NDUFAF3: variants seen among roughly 807,000 people sequenced by gnomAD.
The protein encoded by NDUFAF3 is NADH dehydrogenase [ubiquinone] 1 alpha subcomplex assembly factor 3.
NDUFAF3 carries 21 observed loss-of-function variants against 22.6 expected under a neutral mutation model. That is an observed-to-expected ratio of 0.93 (90% CI 0.66 to 1.34). The LOEUF (loss-of-function observed/expected upper bound fraction) is 1.34. Among genes scored for constraint, NDUFAF3 ranks in the 40% most tolerant of loss-of-function variants. NDUFAF3 has a pLI of 0.00. For missense variants in NDUFAF3, 251 were observed against 248.4 expected (o/e 1.01, Z -0.07); for synonymous variants, 113 against 104.9 (o/e 1.08, Z -0.47).
chr3:49,020,584 T>C (rs1178890662), upstream of NDUFAF3: 1 of 474,226 alleles, frequency 2.1e-6, no homozygotes, highest in East Asian at 6.8e-5. Flanking sequence ...TGTCTGGGGG[T>C]CAGGGGCACC....
At chr3:49,020,771 C>A (rs974581123), upstream of NDUFAF3, 2 of 423,202 alleles carry the variant, frequency 4.7e-6, no homozygotes, top group East Asian at 1.5e-4. Context: ...CATCAGAACC[C>A]GCCCATCCCC....
chr3:49,023,194 G>A lies in NDUFAF3; in HGVS notation c.*22G>A, dbSNP rs747202012. 6.1e-5 allele frequency: 95 copies of A among 1,563,088 alleles called. No individual in the cohort carries two copies. The highest frequency in any genetic ancestry group is 8.3e-5 in the Non-Finnish European group (94 of 1,134,316). On this transcript the variant is annotated 3_prime_UTR_variant, in exon 5 of 5. Coordinates refer to ENST00000326925, the MANE Select transcript of NDUFAF3 (RefSeq NM_199069.2). Reference sequence around the variant, plus strand: ...ATGAACCGCCAGGAACTGACCTGCTGACTGCACTCTGCCAGGCTTCCCAAT... The same window carrying A: ...ATGAACCGCCAGGAACTGACCTGCTAACTGCACTCTGCCAGGCTTCCCAAT...
chr3:49,022,379 G>A lies in NDUFAF3; in HGVS notation c.111G>A (p.Ala37=), dbSNP rs1334035518. The part of the protein sequence containing the change: ...APRRGHRLSP[A]DDELYQRTRI... ...GGCGAGGGCATCGGCTCTCGCCGGCGGATGACGAGCTGTATCAGCGGACGC... is the reference window on the plus strand; with the variant it reads ...GGCGAGGGCATCGGCTCTCGCCGGCAGATGACGAGCTGTATCAGCGGACGC... Residue 37 remains alanine (A), a synonymous_variant, in exon 2 of 5, where the codon GCG becomes GCA. Coordinates refer to ENST00000326925, the MANE Select transcript of NDUFAF3 (RefSeq NM_199069.2). The surrounding 1 kb of genome is among the most constrained non-coding windows in gnomAD (Gnocchi z 6.6). 1.2e-6 allele frequency: 2 copies of A among 1,612,662 alleles called. No homozygotes were observed. Among genetic ancestry groups the A allele is most frequent in the Admixed American group, 1.7e-5 (1 of 60,030 alleles).
chr3:49,022,101 G>T, upstream of NDUFAF3: 1 of 1,581,134 alleles, frequency 6.3e-7, no homozygotes, highest in African/African-American at 1.3e-5. This position sits in a 1 kb window ranked among gnomAD's most constrained non-coding sequence, Gnocchi z 6.6. Context: ...CCCAACCCGG[G>T]GACTAACGGC....
chr3:49,020,607 G>C (rs1311361454), upstream of NDUFAF3: 1 of 482,970 alleles, frequency 2.1e-6, no homozygotes. Context: ...ATCTGGGCCA[G>C]GGCGCTGCTC....
rs1372425714 is a variant in NDUFAF3 at position 49,023,330 on chromosome 3, C to T, written c.*158C>T. 2 of 721,524 alleles carry T rather than the reference C, an allele frequency of 2.8e-6. No homozygotes were observed. Among genetic ancestry groups the T allele is most frequent in the Non-Finnish European group, 5.1e-6 (2 of 393,716 alleles). 44.7% of individuals were successfully genotyped at this position (721,524 alleles called of 1,614,324 possible). A position where few individuals can be genotyped will look rare whatever the true frequency, so the allele number is the denominator to read the frequency against. The stretch of plus-strand genomic sequence containing the variant: ...TTGCTGGCCAGGAGCTGATGGCTCA[C>T]TGGGCTCTTGGAGGGGAATGTGAAG... On this transcript the variant is annotated 3_prime_UTR_variant, in exon 5 of 5. Transcript: ENST00000326925.
rs986338149 is a variant in NDUFAF3 at position 49,023,452 on chromosome 3, T to C, written c.*280T>C. 1 of 483,986 alleles carries C rather than the reference T, an allele frequency of 2.1e-6. No homozygotes were observed. Among genetic ancestry groups the C allele is most frequent in the African/African-American group, 2.0e-5 (1 of 51,146 alleles). 30.0% of individuals were successfully genotyped at this position (483,986 alleles called of 1,614,324 possible). On this transcript the variant is annotated 3_prime_UTR_variant, in exon 5 of 5. Coordinates refer to ENST00000326925, the MANE Select transcript of NDUFAF3 (RefSeq NM_199069.2). ...GTTTGCCTGTTGTAGACCTACTTGC[T>C]CACATGCAGATTTGAGAGGACCTCA...
rs1262103940 is a variant in NDUFAF3, at chr3:49,022,188, C to T, written c.44C>T (p.Pro15Leu). 2 of 1,610,678 alleles carry T rather than the reference C, an allele frequency of 1.2e-6. No homozygotes were observed. Among genetic ancestry groups the T allele is most frequent in the Middle Eastern group, 1.7e-4 (1 of 6,060 alleles). Residue 15 changes from proline to leucine, a missense_variant, in exon 1 of 5, where the codon CCC becomes CTC. Coordinates refer to ENST00000326925, the MANE Select transcript of NDUFAF3 (RefSeq NM_199069.2). This position sits in a 1 kb window ranked among gnomAD's most constrained non-coding sequence, Gnocchi z 6.6. The stretch of plus-strand genomic sequence containing the variant: ...CTACGTAGCTTGTACCGAGCGCGAC[C>T]CTCGCTGCGCTGTCCGCCCGTTGAG... ...LALRSLYRAR[P>L]SLRCPPVELP... is the part of the protein sequence containing the mutation.
rs545609952 is a variant in NDUFAF3, at chr3:49,023,068, G to C, written c.451G>C (p.Ala151Pro). Residue 151 changes from alanine (A) to proline (P), a missense_variant, in exon 5 of 5, where the codon GCC (alanine) becomes CCC (proline). Coordinates refer to ENST00000326925, the MANE Select transcript of NDUFAF3 (RefSeq NM_199069.2). ...VEVQDTPNACATFNFLCHEGR... is the reference protein window; with the variant it reads ...VEVQDTPNACPTFNFLCHEGR... ...CTTTTCTTTGCAGCCCAATGCCTGT[G>C]CCACCTTCAACTTCCTGTGTCATGA... is the stretch of plus-strand genomic sequence containing the variant. 6.2e-7 allele frequency: 1 copy of C among 1,614,152 alleles called. No individual in the cohort carries two copies. Among genetic ancestry groups the C allele is most frequent in the Admixed American group, 1.7e-5 (1 of 60,018 alleles).
Position 49,023,426 on chromosome 3 carries a change from T to C in NDUFAF3, c.*254T>C. 1 of 539,432 alleles carries C rather than the reference T, an allele frequency of 1.9e-6. No homozygotes were observed. Among genetic ancestry groups the C allele is most frequent in the Non-Finnish European group, 3.4e-6 (1 of 297,398 alleles). 33.4% of individuals were successfully genotyped at this position (539,432 alleles called of 1,614,324 possible). On this transcript the variant is annotated 3_prime_UTR_variant, in exon 5 of 5. Coordinates refer to ENST00000326925, the MANE Select transcript of NDUFAF3 (RefSeq NM_199069.2). ...ACTTTTCAGAAGTCGGGAAGCAGTATGTTTGCCTGTTGTAGACCTACTTGC... is the reference window on the plus strand; with the variant it reads ...ACTTTTCAGAAGTCGGGAAGCAGTACGTTTGCCTGTTGTAGACCTACTTGC...
At chr3:49,021,806 G>A, upstream of NDUFAF3, 2 of 382,180 alleles carry the variant, frequency 5.2e-6, no homozygotes, top group Non-Finnish European at 9.5e-6. This position sits in a 1 kb window ranked among gnomAD's most constrained non-coding sequence, Gnocchi z 4.1. Context: ...CCCCGCCCCG[G>A]GAGCGCGGCT....
upstream of NDUFAF3, chr3:49,021,798 C>T (rs554925984): frequency 5.5e-6 from 2 of 364,608 alleles, no homozygotes; most frequent in African/African-American, 4.4e-5. This position sits in a 1 kb window ranked among gnomAD's most constrained non-coding sequence, Gnocchi z 4.1. Flanking sequence ...GGCGGTCGCC[C>T]CGCCCCGGGA....
chr3:49,022,823 C>G lies in NDUFAF3; in HGVS notation c.338-53C>G. The stretch of plus-strand genomic sequence containing the variant: ...TGTTCTGGGCCCCAGAAGGCGACCC[C>G]CACTGCAGCCTCTCAACAGAACTGT... On this transcript the variant is annotated intron_variant, in intron 3 of 4. Transcript: ENST00000326925. This position sits in a 1 kb window ranked among gnomAD's most constrained non-coding sequence, Gnocchi z 6.6. The G allele has an allele frequency of 1.2e-6, 2 of 1,613,304 alleles. No individual in the cohort carries two copies. Among genetic ancestry groups the G allele is most frequent in the Non-Finnish European group, 1.7e-6 (2 of 1,179,666 alleles).
rs768862168 is a variant in NDUFAF3 at position 49,023,096 on chromosome 3, G to A, written c.479G>A (p.Gly160Asp). 4.3e-6 allele frequency: 7 copies of A among 1,614,124 alleles called. No individual in the cohort carries two copies. The South Asian group carries it at 6.6e-5, about 15-fold the overall frequency. Reference protein sequence around the residue: ...CATFNFLCHEGRVTGAALIPP... With the variant: ...CATFNFLCHEDRVTGAALIPP... Reference sequence around the variant, plus strand: ...ACCTTCAACTTCCTGTGTCATGAAGGCCGAGTAACTGGAGCTGCTCTCATC... The same window carrying A: ...ACCTTCAACTTCCTGTGTCATGAAGACCGAGTAACTGGAGCTGCTCTCATC... The change falls in exon 5 of 5, where the codon GGC (glycine) becomes GAC (aspartate). Residue 160 changes from glycine (G) to aspartate (D), a missense_variant. Coordinates refer to ENST00000326925, the MANE Select transcript of NDUFAF3 (RefSeq NM_199069.2).
chr3:49,022,549 G>C lies in NDUFAF3; in HGVS notation c.270+11G>C. On this transcript the variant is annotated intron_variant, in intron 2 of 4. Coordinates refer to ENST00000326925, the MANE Select transcript of NDUFAF3 (RefSeq NM_199069.2). This position sits in a 1 kb window ranked among gnomAD's most constrained non-coding sequence, Gnocchi z 6.6. Reference sequence around the variant, plus strand: ...GTGGTGCAGTGGAACGTGAGTCCTGGCCCGCAGTGTGGAAACTGAGGCCCA... The same window carrying C: ...GTGGTGCAGTGGAACGTGAGTCCTGCCCCGCAGTGTGGAAACTGAGGCCCA... 6.2e-7 allele frequency: 1 copy of C among 1,613,332 alleles called. No homozygotes were observed. Among genetic ancestry groups the C allele is most frequent in the South Asian group, 1.1e-5 (1 of 91,072 alleles).
At position 49,022,271 on chromosome 3, in the gene NDUFAF3, A is replaced by G. The variant is rs777282423; in HGVS notation, c.77+50A>G. ...ACCATCCAGCCCCCTAGGGCCGGCGACTGCCAGCCCAGCACCTTCCGGCCT... is the reference window on the plus strand; with the variant it reads ...ACCATCCAGCCCCCTAGGGCCGGCGGCTGCCAGCCCAGCACCTTCCGGCCT... On this transcript the variant is annotated intron_variant, in intron 1 of 4. Transcript: ENST00000326925. The surrounding 1 kb of genome is among the most constrained non-coding windows in gnomAD (Gnocchi z 6.6). 1.2e-6 allele frequency: 2 copies of G among 1,607,810 alleles called. No individual in the cohort carries two copies. Among genetic ancestry groups the G allele is most frequent in the Non-Finnish European group, 1.7e-6 (2 of 1,178,626 alleles).
In NDUFAF3 at chr3:49,022,665, G is replaced by A. The variant is rs1170433956; in HGVS notation, c.271-37G>A. On this transcript the variant is annotated intron_variant, in intron 2 of 4. Transcript: ENST00000326925. This position sits in a 1 kb window ranked among gnomAD's most constrained non-coding sequence, Gnocchi z 6.6. ...GGATGGAGATGGGGAGAGGCTGCGT[G>A]GATTTGTCGTATTAAATGTGCCTCC... is the stretch of plus-strand genomic sequence containing the variant. The A allele has an allele frequency of 1.2e-6, 2 of 1,613,744 alleles. No homozygotes were observed. The highest frequency in any genetic ancestry group is 1.7e-5 in the Admixed American group (1 of 60,018).
At chr3:49,021,951 C>T (rs2106767197), upstream of NDUFAF3, 1 of 627,242 alleles carries the variant, frequency 1.6e-6, no homozygotes, top group African/African-American at 1.8e-5. This position sits in a 1 kb window ranked among gnomAD's most constrained non-coding sequence, Gnocchi z 4.1. Flanking sequence ...CAGGTGCTGA[C>T]ACTGGAGCTG....
At chr3:49,021,944 G>T, upstream of NDUFAF3, 1 of 611,870 alleles carries the variant, frequency 1.6e-6, no homozygotes, top group Non-Finnish European at 2.9e-6. The surrounding 1 kb of genome is among the most constrained non-coding windows in gnomAD (Gnocchi z 4.1). Context: ...AGGGCGGCAG[G>T]TGCTGACACT....
Sources: allele counts gnomAD v4.1 joint callset, GRCh38; gene constraint gnomAD v4.1.1; non-coding constraint Gnocchi (gnomAD v3.1); transcripts MANE v1.5; gene names NCBI Gene and HGNC (gene_info 2026-07-23, HGNC 2026-07-21).